The following KANSL1 variants were observed in gnomAD, a reference collection of about 807,000 sequenced individuals.
KANSL1 encodes MLL1/MLL complex subunit KANSL1.
KANSL1 carries 22 observed loss-of-function variants against 103.6 expected under a neutral mutation model. That is an observed-to-expected ratio of 0.21 (90% CI 0.15 to 0.30). The LOEUF is 0.30. KANSL1 is among the 10% of genes least tolerant of loss of function. The pLI is 1.00. For missense variants in KANSL1, 1,337 were observed against 1,399.8 expected, an observed-to-expected ratio of 0.96 and a Z score of 0.72; for synonymous variants, 600 against 527.6, an observed-to-expected ratio of 1.14 and a Z score of -1.88.
At chr17:46,041,816 CA>C (rs1003664689) in intron 7 of KANSL1, 1 of 151,586 alleles carries the variant, frequency 6.6e-6, no homozygotes, top group Non-Finnish European at 1.5e-5. Context: ...ATCCATCTTT[CA>C]AAAATAATTA....
At chr17:46,189,107 G>A (rs1278855984) in intron 1 of KANSL1, among the ~76,000 whole-genome samples, 3 of 142,900 alleles carry the variant, frequency 2.1e-5, no homozygotes, top group Non-Finnish European at 3.0e-5. Context: ...AACCTACTCA[G>A]GAGGCTAAGG....
At chr17:46,179,451 T>C (rs1486135227) in intron 1 of KANSL1, among the ~76,000 whole-genome samples, 1 of 145,906 alleles carries the variant, frequency 6.9e-6, no homozygotes, top group Non-Finnish European at 1.6e-5. Flanking sequence ...GGCCAACAAG[T>C]ATTACAACCA....
intron 1 of KANSL1, among the ~76,000 whole-genome samples, chr17:46,184,036 C>T (rs1423661022): frequency 6.6e-6 from 1 of 152,252 alleles, no homozygotes; most frequent in Non-Finnish European, 1.5e-5. Context: ...TGCTCCTCAA[C>T]ATTGTCTATT....
chr17:46,097,652 T>A (rs1004350587), intron 2 of KANSL1, among the ~76,000 whole-genome samples: 37 of 152,336 alleles, frequency 2.4e-4, no homozygotes, highest in Admixed American at 2.0e-3. Flanking sequence ...TATTCTGTAA[T>A]CTAAATATTT....
intron 2 of KANSL1, among the ~76,000 whole-genome samples, chr17:46,165,512 A>ATT (rs1347607992): frequency 2.1e-5 from 3 of 145,724 alleles, no homozygotes; most frequent in Non-Finnish European, 4.5e-5. Context: ...GATTACAGGT[A>ATT]TTTTTATTTT....
At chr17:46,213,193 T>C (rs1312536177) in intron 1 of KANSL1, among the ~76,000 whole-genome samples, 1 of 152,264 alleles carries the variant, frequency 6.6e-6, no homozygotes, top group Non-Finnish European at 1.5e-5. Context: ...ATACAAATTA[T>C]ACACGGTAAT....
intron 2 of KANSL1, among the ~76,000 whole-genome samples, chr17:46,168,426 C>T (rs568614241): frequency 6.6e-6 from 1 of 152,256 alleles, no homozygotes; most frequent in Non-Finnish European, 1.5e-5. Flanking sequence ...CAGCTCACCG[C>T]AACCTCCGCC....
At chr17:46,064,314 G>T (rs2078295251) in intron 6 of KANSL1, among the ~76,000 whole-genome samples, 1 of 152,110 alleles carries the variant, frequency 6.6e-6, no homozygotes, top group African/African-American at 2.4e-5. Flanking sequence ...AATACTAATT[G>T]TTCCAGCAAT....
rs970591870 is a variant in KANSL1, at chr17:46,152,592, G to C, written c.1289+18263C>G. On this transcript the variant is annotated intron_variant, in intron 2 of 14. Transcript: ENST00000432791. The stretch of plus-strand genomic sequence containing the variant: ...TGACAATAGACACAAAGGGGGGGGG[G>C]GGATTTCAGAGATTTATTTAGATCA... Among the ~76,000 whole-genome samples the C allele has an allele frequency of 4.8e-4, 67 of 140,780 alleles. 3 individuals are homozygous for C. Among genetic ancestry groups the C allele is most frequent in the East Asian group, 1.5e-3 (6 of 4,098 alleles). The allele number at this position is 140,780 out of a possible 152,430, so 92.4% of individuals were successfully genotyped here. A position where few individuals can be genotyped will look rare whatever the true frequency, so the allele number is the denominator to read the frequency against.
chr17:46,075,556 C>CA (rs2078735406), intron 4 of KANSL1, among the ~76,000 whole-genome samples: 1 of 152,138 alleles, frequency 6.6e-6, no homozygotes, highest in Non-Finnish European at 1.5e-5. Flanking sequence ...AGGCTGGTCT[C>CA]AAATTTCTGT....
chr17:46,103,708 G>A (rs2042413709), intron 2 of KANSL1, among the ~76,000 whole-genome samples: 1 of 152,122 alleles, frequency 6.6e-6, no homozygotes, highest in Non-Finnish European at 1.5e-5. Flanking sequence ...TTAACACAAA[G>A]CCCATACTTC....
chr17:46,118,743 G>C (rs1313335779), intron 2 of KANSL1, among the ~76,000 whole-genome samples: 1 of 152,198 alleles, frequency 6.6e-6, no homozygotes, highest in East Asian at 1.9e-4. Context: ...TAATGGGGGA[G>C]GGAGGCAAGG....
intron 1 of KANSL1, among the ~76,000 whole-genome samples, chr17:46,202,514 G>C (rs1461720877): frequency 6.6e-6 from 1 of 152,136 alleles, no homozygotes; most frequent in Non-Finnish European, 1.5e-5. Context: ...AAGAGGTACT[G>C]GTTTAGACCA....
At chr17:46,205,579 GC>G (rs1472738849) in intron 1 of KANSL1, among the ~76,000 whole-genome samples, 4 of 151,528 alleles carry the variant, frequency 2.6e-5, no homozygotes, top group Non-Finnish European at 2.9e-5. Context: ...TACTCAGGAG[GC>G]TGAGGCAGTG....
At position 46,171,108 on chromosome 17, in the gene KANSL1, G is replaced by A. The variant is rs1047432968; in HGVS notation, c.1036C>T (p.Leu346=). 1.9e-6 allele frequency: 3 copies of A among 1,614,162 alleles called. No individual in the cohort carries two copies. Among genetic ancestry groups the A allele is most frequent in the South Asian group, 1.1e-5 (1 of 91,090 alleles). Residue 346 remains leucine (L), a synonymous_variant, in exon 2 of 15, where the codon CTG becomes TTG. Coordinates refer to ENST00000432791, the MANE Select transcript of KANSL1 (RefSeq NM_015443.4). ...ESLRPRSQLM[L]TRKAEAALRK... is the part of the protein sequence containing the mutation. ...AAGGCAGCTTCAGCCTTTCGAGTCA[G>A]CATCAACTGGCTCCGTGGTCTCAAG...
intron 2 of KANSL1, among the ~76,000 whole-genome samples, chr17:46,101,631 G>A (rs1421592099): frequency 6.6e-6 from 1 of 151,716 alleles, no homozygotes; most frequent in Non-Finnish European, 1.5e-5. Context: ...GCACGCGCCT[G>A]TAATCCCAGC....
intron 2 of KANSL1, among the ~76,000 whole-genome samples, chr17:46,118,320 G>T (rs959147542): frequency 6.6e-6 from 1 of 152,230 alleles, no homozygotes; most frequent in African/African-American, 2.4e-5. Flanking sequence ...CACTGGGTCT[G>T]CAAGCCTCTT....
At chr17:46,142,560 G>A (rs1404665004) in intron 2 of KANSL1, among the ~76,000 whole-genome samples, 2 of 152,278 alleles carry the variant, frequency 1.3e-5, no homozygotes, top group East Asian at 1.9e-4. Context: ...AGCAAGCTAC[G>A]ACTATGCCAC....
chr17:46,104,508 T>C (rs2042448281), intron 2 of KANSL1, among the ~76,000 whole-genome samples: 1 of 152,250 alleles, frequency 6.6e-6, no homozygotes, highest in Non-Finnish European at 1.5e-5. Context: ...AGATTATCCA[T>C]GCCTCCTTAT....
Sources: allele counts gnomAD v4.1 joint callset (sites outside exome capture counted in the v4.1 genomes callset), GRCh38; gene constraint gnomAD v4.1.1; transcripts MANE v1.5; gene names NCBI Gene and HGNC (gene_info 2026-07-23, HGNC 2026-07-21).